The following TBCE variants were observed in gnomAD, a reference collection of about 807,000 sequenced individuals.
The protein encoded by TBCE is tubulin folding cofactor E.
In TBCE, 53 loss-of-function variants were observed where a neutral mutation model predicts 77.0. The ratio of observed to expected loss-of-function variants is 0.69; its 90% CI spans 0.55 to 0.87. The LOEUF (loss-of-function observed/expected upper bound fraction) is 0.87. Ranked by LOEUF, TBCE falls within the 40% of genes least tolerant of loss-of-function variation. The probability of loss-of-function intolerance (pLI) is 0.00; values close to 1 mark genes in which losing one functional copy is unlikely to be tolerated. For missense variants in TBCE, 624 were observed against 622.4 expected, an observed-to-expected ratio of 1.00 and a Z score of -0.03; for synonymous variants, 235 against 241.3, an observed-to-expected ratio of 0.97 and a Z score of 0.24.
At chr1:235,406,317 A>G (rs1404320452) in intron 3 of TBCE, among the ~76,000 whole-genome samples, 4 of 152,292 alleles carry the variant, frequency 2.6e-5, no homozygotes, top group African/African-American at 9.6e-5. Flanking sequence ...CCTAAGGTAA[A>G]TATAGTAATC....
chr1:235,388,114 A>G (rs1262069139), intron 2 of TBCE, among the ~76,000 whole-genome samples: 1 of 152,108 alleles, frequency 6.6e-6, no homozygotes, highest in African/African-American at 2.4e-5. Context: ...AGACACTTGA[A>G]AGCATGCTCT....
chr1:235,431,716 A>G (rs1185333240), intron 7 of TBCE, among the ~76,000 whole-genome samples: 1 of 146,270 alleles, frequency 6.8e-6, no homozygotes, highest in Non-Finnish European at 1.5e-5. Context: ...TCTGTTGCCC[A>G]AGGTGGAGTG....
At chr1:235,372,639 G>T (rs1677038560) in intron 1 of TBCE, among the ~76,000 whole-genome samples, 1 of 151,792 alleles carries the variant, frequency 6.6e-6, no homozygotes, top group Non-Finnish European at 1.5e-5. Flanking sequence ...GAGAGAGAGA[G>T]AGAGGCTGGG....
Position 235,376,548 on chromosome 1 carries a change from C to T in TBCE, c.-31-3471C>T, listed in dbSNP as rs1259953732. 2.0e-5 allele frequency among the ~76,000 whole-genome samples: 3 copies of T among 152,218 alleles called. No individual in the cohort carries two copies. In the East Asian group the frequency reaches 5.8e-4, roughly 29 times the overall value. ...AGTTCTGCAGTCATTTTATTCGTCCCTCTTCTTAGGGACTAGAGCTCTGAA... is the reference window on the plus strand; with the variant it reads ...AGTTCTGCAGTCATTTTATTCGTCCTTCTTCTTAGGGACTAGAGCTCTGAA... On this transcript the variant is annotated intron_variant, in intron 1 of 16. Transcript: ENST00000642610.
At chr1:235,404,003 G>T (rs914169491) in intron 3 of TBCE, among the ~76,000 whole-genome samples, 2 of 152,204 alleles carry the variant, frequency 1.3e-5, no homozygotes, top group African/African-American at 4.8e-5. Flanking sequence ...AATTGGCCGG[G>T]TGCGTTGGCT....
rs1377146761 is a variant in TBCE, at chr1:235,420,458, G to A, written c.460+897G>A. Among the ~76,000 whole-genome samples, 3 of 149,734 alleles carry A rather than the reference G, an allele frequency of 2.0e-5. No individual in the cohort carries two copies. The East Asian group carries it at 5.9e-4, about 29-fold the overall frequency. ...GCCTCCCAAGTAGCTGGGATTACAG[G>A]TGCCCGCCACCATGTCTGGCTAATT... On this transcript the variant is annotated intron_variant, in intron 5 of 16. Transcript: ENST00000642610.
intron 3 of TBCE, among the ~76,000 whole-genome samples, chr1:235,409,414 G>A (rs1679646030): frequency 1.3e-5 from 2 of 152,058 alleles, no homozygotes; most frequent in South Asian, 4.2e-4. Flanking sequence ...AATCTCAGTG[G>A]AGTCTATGTA....
chr1:235,444,658 A>C (rs1021455895), intron 15 of TBCE, among the ~76,000 whole-genome samples: 1 of 151,820 alleles, frequency 6.6e-6, no homozygotes, highest in African/African-American at 2.4e-5. Flanking sequence ...TCCTGTCATC[A>C]CCTCCCAAAG....
chr1:235,392,400 ATTTTTTTTTTTTTTTT>A (rs557817776), intron 2 of TBCE, among the ~76,000 whole-genome samples: 2 of 54,032 alleles, frequency 3.7e-5, no homozygotes, highest in Admixed American at 1.7e-4. Context: ...GCTGAACAGA[ATTTTTTTTTTTTTTTT>A]TTTTTTTTTT....
At chr1:235,432,976 G>A (rs757921104) in intron 7 of TBCE, 68 of 1,482,412 alleles carry the variant, frequency 4.6e-5, no homozygotes, top group East Asian at 1.1e-4. Context: ...CAGCAGGCAC[G>A]GTCTCGACAT....
chr1:235,437,323 G>C lies in TBCE; in HGVS notation c.965G>C (p.Trp322Ser), dbSNP rs943233135. The change falls in exon 12 of 17, where the codon TGG becomes TCG. Residue 322 changes from tryptophan to serine, a missense_variant and splice_region_variant. Coordinates refer to ENST00000642610, the MANE Select transcript of TBCE (RefSeq NM_003193.5). ...LVVNDNQISQ[W>S]SFFNELEKLP... ...TTATTTCCTTTTGCTGTGTTTCAGT[G>C]GTCGTTTTTCAATGAGCTAGAGAAG... 6.2e-7 allele frequency: 1 copy of C among 1,613,950 alleles called. No individual in the cohort carries two copies. Among genetic ancestry groups the C allele is most frequent in the Admixed American group, 1.7e-5 (1 of 59,994 alleles).
At chr1:235,428,748 A>T (rs867500799) in intron 6 of TBCE, among the ~76,000 whole-genome samples, 1 of 150,700 alleles carries the variant, frequency 6.6e-6, no homozygotes, top group African/African-American at 2.4e-5. Flanking sequence ...GGTTTGAGCG[A>T]TTCTGCTGCC....
intron 1 of TBCE, among the ~76,000 whole-genome samples, chr1:235,376,743 G>A (rs975313038): frequency 6.6e-6 from 1 of 152,132 alleles, no homozygotes; most frequent in Non-Finnish European, 1.5e-5. Context: ...GGAGGCCGAG[G>A]TGGGAAGATC....
At chr1:235,434,450 T>G (rs1681294292) in intron 8 of TBCE, among the ~76,000 whole-genome samples, 170 bp downstream of exon 8, 1 of 152,200 alleles carries the variant, frequency 6.6e-6, no homozygotes, top group South Asian at 2.1e-4. Context: ...TAATTGGTTC[T>G]AATCAAAGGA....
chr1:235,428,470 T>C (rs1181925827), intron 6 of TBCE, among the ~76,000 whole-genome samples: 3 of 152,122 alleles, frequency 2.0e-5, no homozygotes, highest in Non-Finnish European at 2.9e-5. Flanking sequence ...ACTCCTCATG[T>C]GTCTGTGTCC....
At chr1:235,438,685 G>A in intron 12 of TBCE, 84 bp from the exon 13 acceptor site, 2 of 1,522,310 alleles carry the variant, frequency 1.3e-6, no homozygotes, top group Non-Finnish European at 1.8e-6. Context: ...CATGTGCTAT[G>A]GAGGAAGGAC....
chr1:235,374,368 A>G (rs1460723363), intron 1 of TBCE, among the ~76,000 whole-genome samples: 1 of 146,556 alleles, frequency 6.8e-6, no homozygotes, highest in Non-Finnish European at 1.5e-5. Context: ...GAATCAGTAA[A>G]TCAGTTACAG....
intron 14 of TBCE, 113 bp downstream of exon 14, chr1:235,441,995 G>T: frequency 5.2e-5 from 43 of 834,144 alleles, no homozygotes; most frequent in Non-Finnish European, 7.3e-5. Flanking sequence ...AATGCCTTGA[G>T]TTTTAAATGA....
At chr1:235,392,112 A>C (rs989127350) in intron 2 of TBCE, among the ~76,000 whole-genome samples, 11 of 152,090 alleles carry the variant, frequency 7.2e-5, no homozygotes, top group Admixed American at 7.2e-4. Context: ...GCTTGAGCTC[A>C]GGAGTTTGAG....
Sources: allele counts gnomAD v4.1 joint callset (sites outside exome capture counted in the v4.1 genomes callset), GRCh38; gene constraint gnomAD v4.1.1; transcripts MANE v1.5; gene names NCBI Gene and HGNC (gene_info 2026-07-23, HGNC 2026-07-21).